The following ARHGAP24 variants were observed in gnomAD, a reference collection of about 807,000 sequenced individuals.
The protein encoded by ARHGAP24 is rho GTPase-activating protein 24.
ARHGAP24 carries 50 observed loss-of-function variants against 76.4 expected under a neutral mutation model. The ratio of observed to expected loss-of-function variants is 0.65; its 90% CI spans 0.52 to 0.83. The LOEUF (loss-of-function observed/expected upper bound fraction) is 0.83, where lower values mean the gene tolerates loss of function less well. Ranked by LOEUF, ARHGAP24 falls within the 40% of genes least tolerant of loss-of-function variation. ARHGAP24 has a pLI of 0.00. For missense variants in ARHGAP24, 930 were observed against 914.2 expected (o/e 1.02, Z -0.22); for synonymous variants, 345 against 323.3 (o/e 1.07, Z -0.72).
At chr4:85,647,226 G>A (rs552241662) in intron 2 of ARHGAP24, among the ~76,000 whole-genome samples, 29 of 152,152 alleles carry the variant, frequency 1.9e-4, no homozygotes, top group African/African-American at 5.3e-4. Context: ...AGTAGACATC[G>A]TCATAGTTGT....
intron 3 of ARHGAP24, among the ~76,000 whole-genome samples, chr4:85,799,247 T>C (rs577303071): frequency 6.6e-6 from 1 of 152,224 alleles, no homozygotes; most frequent in South Asian, 2.1e-4. Flanking sequence ...GGAGAGTTCA[T>C]TGATTCCAGG....
chr4:85,529,853 A>C (rs1006121443), intron 1 of ARHGAP24, among the ~76,000 whole-genome samples: 3 of 151,962 alleles, frequency 2.0e-5, no homozygotes, highest in African/African-American at 7.2e-5. Context: ...GTTGACTATG[A>C]GGGTTATTCC....
At position 85,513,413 on chromosome 4, in the gene ARHGAP24, C is replaced by T. The variant is rs535814037; in HGVS notation, c.-21+37854C>T. On this transcript the variant is annotated intron_variant, in intron 1 of 9. Transcript: ENST00000395184. The stretch of plus-strand genomic sequence containing the variant: ...TTTTTGGCCCCTGGGAGCACTAGTA[C>T]TCCATTACCTGATTGTTAACCATAA... 2.0e-5 allele frequency among the ~76,000 whole-genome samples: 3 copies of T among 152,278 alleles called. No individual in the cohort carries two copies. The South Asian group carries it at 6.2e-4, about 32-fold the overall frequency.
chr4:85,946,314 A>G (rs537546025), intron 5 of ARHGAP24, among the ~76,000 whole-genome samples: 7 of 152,170 alleles, frequency 4.6e-5, no homozygotes, highest in Non-Finnish European at 8.8e-5. Context: ...CCTATTGTAA[A>G]TATATTTCTT....
intron 3 of ARHGAP24, among the ~76,000 whole-genome samples, chr4:85,757,373 A>C (rs6819529): frequency 0.74 from 112,131 of 150,774 alleles, 42,353 homozygotes; most frequent in Non-Finnish European, 0.82. Context: ...CCTCTCCCGC[A>C]ACCCCACGAC....
Position 85,695,763 on chromosome 4 carries a change from T to A in ARHGAP24, c.181-26122T>A, listed in dbSNP as rs139254873. On this transcript the variant is annotated intron_variant, in intron 2 of 9. Coordinates refer to ENST00000395184, the MANE Select transcript of ARHGAP24 (RefSeq NM_001025616.3). ...TATTCATTAGAGTAAATTAATTTAA[T>A]TTCCTCTTAGTTGAATTTGAATAAC... Among the ~76,000 whole-genome samples, 58 of 152,328 alleles carry A rather than the reference T, an allele frequency of 3.8e-4. 1 individual carries two copies. The East Asian group carries it at 9.8e-3, about 26-fold the overall frequency.
intron 2 of ARHGAP24, among the ~76,000 whole-genome samples, chr4:85,612,567 C>T (rs1368147079): frequency 6.6e-6 from 1 of 151,952 alleles, no homozygotes; most frequent in Admixed American, 6.6e-5. Context: ...AAAAGGAATG[C>T]TTTTTATTCA....
In ARHGAP24 at chr4:85,987,754, G is replaced by A. The variant is rs897054220; in HGVS notation, c.929-6829G>A. 3.9e-5 allele frequency among the ~76,000 whole-genome samples: 6 copies of A among 151,974 alleles called. No homozygotes were observed. In the East Asian group the frequency reaches 1.2e-3, roughly 29 times the overall value. ...ACTTATAAAAATTTTGTCTTCATAA[G>A]AGAAACTATCATGAAGCACAGAGAA... On this transcript the variant is annotated intron_variant, in intron 8 of 9. Coordinates refer to ENST00000395184, the MANE Select transcript of ARHGAP24 (RefSeq NM_001025616.3).
At chr4:85,786,888 CT>C (rs1385094789) in intron 3 of ARHGAP24, among the ~76,000 whole-genome samples, 2 of 152,206 alleles carry the variant, frequency 1.3e-5, no homozygotes, top group Non-Finnish European at 2.9e-5. Flanking sequence ...GGAATCATTA[CT>C]TCTGAATCAC....
intron 3 of ARHGAP24, among the ~76,000 whole-genome samples, chr4:85,785,063 GA>G (rs1054018112): frequency 1.3e-5 from 2 of 152,112 alleles, no homozygotes; most frequent in African/African-American, 4.8e-5. Flanking sequence ...CAGATGGACA[GA>G]AGCAGAGGCT....
At chr4:85,835,877 G>A (rs901219794) in intron 3 of ARHGAP24, among the ~76,000 whole-genome samples, 1 of 152,026 alleles carries the variant, frequency 6.6e-6, no homozygotes, top group Non-Finnish European at 1.5e-5. Flanking sequence ...GTGGAGACAG[G>A]GTTTCACCAT....
chr4:85,645,760 C>G (rs1252131590), intron 2 of ARHGAP24, among the ~76,000 whole-genome samples: 1 of 151,940 alleles, frequency 6.6e-6, no homozygotes, highest in African/African-American at 2.4e-5. Context: ...TAGAGAACTT[C>G]CAGAAGACAC....
At chr4:85,622,431 A>C (rs1327919540) in intron 2 of ARHGAP24, among the ~76,000 whole-genome samples, 2 of 151,836 alleles carry the variant, frequency 1.3e-5, no homozygotes, top group African/African-American at 4.8e-5. Flanking sequence ...TGAACTCATC[A>C]TTTTTTGTGG....
chr4:85,637,877 G>A (rs548114748), intron 2 of ARHGAP24, among the ~76,000 whole-genome samples: 2 of 151,974 alleles, frequency 1.3e-5, no homozygotes, highest in Non-Finnish European at 2.9e-5. Flanking sequence ...AAAGGAACAT[G>A]TATTAACACA....
At chr4:85,850,381 G>C (rs1475551724) in intron 3 of ARHGAP24, among the ~76,000 whole-genome samples, 1 of 151,898 alleles carries the variant, frequency 6.6e-6, no homozygotes, top group Admixed American at 6.6e-5. Flanking sequence ...CAATTTTGTT[G>C]ATCTTTTCAA....
At chr4:85,689,061 A>T (rs1450031827) in intron 2 of ARHGAP24, among the ~76,000 whole-genome samples, 1 of 152,186 alleles carries the variant, frequency 6.6e-6, no homozygotes, top group Non-Finnish European at 1.5e-5. Context: ...AATTTAGAAT[A>T]GATTTTTTCT....
At chr4:85,550,476 C>T (rs1425603613) in intron 1 of ARHGAP24, among the ~76,000 whole-genome samples, 1 of 152,102 alleles carries the variant, frequency 6.6e-6, no homozygotes, top group Non-Finnish European at 1.5e-5. Context: ...AGCTGGGTAA[C>T]ATAATGCCTC....
intron 2 of ARHGAP24, among the ~76,000 whole-genome samples, chr4:85,680,635 T>C (rs914066353): frequency 1.4e-4 from 21 of 152,092 alleles, no homozygotes; most frequent in African/African-American, 5.1e-4. Flanking sequence ...AAAATTGATA[T>C]TTAGAGGACT....
chr4:85,587,126 A>G (rs371212644), intron 2 of ARHGAP24, among the ~76,000 whole-genome samples: 98 of 152,316 alleles, frequency 6.4e-4, no homozygotes, highest in Middle Eastern at 6.8e-3. Context: ...TTCTATAAGT[A>G]TCTATGTTAC....
Sources: gnomAD v4.1 joint callset for allele counts (sites outside exome capture counted in the v4.1 genomes callset) on GRCh38, gnomAD v4.1.1 for gene constraint, MANE v1.5 for transcripts, NCBI Gene and HGNC (gene_info 2026-07-23, HGNC 2026-07-21) for gene names.